TSPAN18: variants seen among roughly 807,000 people sequenced by gnomAD.
TSPAN18 encodes the protein tetraspanin 18.
In TSPAN18, 14 loss-of-function variants were observed where a neutral mutation model predicts 27.3. The observed-to-expected ratio is 0.51, with a 90% CI of 0.34 to 0.80. The LOEUF is 0.80. Ranked by LOEUF, TSPAN18 falls within the 30% of genes least tolerant of loss-of-function variation. TSPAN18 has a pLI of 0.01. For synonymous variants in TSPAN18, 143 were observed against 136.5 expected, an observed-to-expected ratio of 1.05 and a Z score of -0.33; for missense variants, 268 against 323.9, an observed-to-expected ratio of 0.83 and a Z score of 1.32.
chr11:44,854,528 A>G (rs866833389), intron 2 of TSPAN18, among the ~76,000 whole-genome samples: 4 of 152,204 alleles, frequency 2.6e-5, no homozygotes, highest in South Asian at 2.1e-4. Flanking sequence ...ACCCTCTTAG[A>G]CTGTGTTCGG....
At chr11:44,775,573 G>A (rs982666695) in intron 2 of TSPAN18, among the ~76,000 whole-genome samples, 3 of 152,118 alleles carry the variant, frequency 2.0e-5, no homozygotes, top group African/African-American at 7.2e-5. Context: ...TGACTGCAAA[G>A]GTTTGGTTTG....
chr11:44,894,882 C>G (rs12798656), intron 3 of TSPAN18, among the ~76,000 whole-genome samples: 15,076 of 152,236 alleles, frequency 0.099, 821 homozygotes, highest in South Asian at 0.14. Flanking sequence ...CCACACCCCA[C>G]GGATAGGTGT....
intron 1 of TSPAN18, chr11:44,736,486 T>C (rs951300041): frequency 2.6e-5 from 4 of 152,248 alleles, no homozygotes; most frequent in African/African-American, 9.6e-5. Flanking sequence ...TTGATGTTTT[T>C]CTTGGGTTCC....
chr11:44,876,989 C>CT (rs1468601210), intron 3 of TSPAN18, among the ~76,000 whole-genome samples: 1 of 152,238 alleles, frequency 6.6e-6, no homozygotes. Flanking sequence ...CCCCAGGCCC[C>CT]TGCAGAGCCT....
intron 3 of TSPAN18, among the ~76,000 whole-genome samples, chr11:44,877,987 G>T (rs964254447): frequency 6.6e-6 from 1 of 151,732 alleles, no homozygotes; most frequent in African/African-American, 2.4e-5. Context: ...GTGTGTGCAC[G>T]TGCACACACA....
At chr11:44,799,770 C>T (rs192867317) in intron 2 of TSPAN18, among the ~76,000 whole-genome samples, 1 of 152,292 alleles carries the variant, frequency 6.6e-6, no homozygotes, top group Non-Finnish European at 1.5e-5. Context: ...GGATTTGAAC[C>T]CAGGCAGACT....
Position 44,845,370 on chromosome 11 carries a change from A to G in TSPAN18, c.-152-14958A>G, listed in dbSNP as rs1857459443. Reference sequence around the variant, plus strand: ...CGATGAAAGGTGATACTGCGTGCAAAGTGCTTAGCACAGTATCTGGCACAT... The same window carrying G: ...CGATGAAAGGTGATACTGCGTGCAAGGTGCTTAGCACAGTATCTGGCACAT... On this transcript the variant is annotated intron_variant, in intron 2 of 9. Transcript: ENST00000520358. 2.0e-5 allele frequency among the ~76,000 whole-genome samples: 3 copies of G among 152,198 alleles called. No individual in the cohort carries two copies. The South Asian group carries it at 6.2e-4, about 31-fold the overall frequency.
intron 1 of TSPAN18, among the ~76,000 whole-genome samples, chr11:44,753,278 A>G (rs756360454): frequency 5.3e-5 from 8 of 151,838 alleles, no homozygotes; most frequent in Non-Finnish European, 1.0e-4. Flanking sequence ...ACAGGCATGC[A>G]CCACCACCAC....
rs147079582 is a variant in TSPAN18 at position 44,754,343 on chromosome 11, G to A, written c.-239-10083G>A. Among the ~76,000 whole-genome samples the A allele has an allele frequency of 3.9e-3, 593 of 152,258 alleles. 2 individuals carry two copies. Among genetic ancestry groups the A allele is most frequent in the African/African-American group, 0.013 (555 of 41,548 alleles). Reference sequence around the variant, plus strand: ...CCAGTTTAGAAACATCTCTATTACTGGCGTGTGGCTTTTTAATACTGCTTC... The same window carrying A: ...CCAGTTTAGAAACATCTCTATTACTAGCGTGTGGCTTTTTAATACTGCTTC... On this transcript the variant is annotated intron_variant, in intron 1 of 9. Coordinates refer to ENST00000520358, the MANE Select transcript of TSPAN18 (RefSeq NM_130783.5).
intron 2 of TSPAN18, among the ~76,000 whole-genome samples, chr11:44,788,722 C>T (rs1856121585): frequency 6.6e-6 from 1 of 152,160 alleles, no homozygotes; most frequent in Non-Finnish European, 1.5e-5. Context: ...GCTGGGATTA[C>T]AGACTTGAGC....
intron 5 of TSPAN18, among the ~76,000 whole-genome samples, chr11:44,910,220 C>T (rs1385068256): frequency 6.6e-6 from 1 of 152,228 alleles, no homozygotes. Context: ...CCTGTTTTCT[C>T]CCTGGGGTAG....
At chr11:44,920,036 A>T (rs1312054808) in intron 8 of TSPAN18, 37 bp downstream of exon 8, 2 of 1,590,258 alleles carry the variant, frequency 1.3e-6, no homozygotes, top group Non-Finnish European at 1.7e-6. Context: ...GAGTGGGTCT[A>T]TCGGGATTTG....
intron 8 of TSPAN18, among the ~76,000 whole-genome samples, chr11:44,922,883 C>T (rs543228120): frequency 3.3e-5 from 5 of 152,182 alleles, no homozygotes; most frequent in South Asian, 2.1e-4. Context: ...CCGAGGCGGG[C>T]GGATCACCTG....
chr11:44,778,556 G>A (rs12787702), intron 2 of TSPAN18, among the ~76,000 whole-genome samples: 61,697 of 152,048 alleles, frequency 0.41, 13,895 homozygotes, highest in Non-Finnish European at 0.5. Context: ...TTGCAATGGA[G>A]GAAATCTCTT....
intron 2 of TSPAN18, among the ~76,000 whole-genome samples, chr11:44,827,441 G>A (rs1161992283): frequency 2.0e-5 from 3 of 152,236 alleles, no homozygotes; most frequent in Non-Finnish European, 4.4e-5. Context: ...AGGCCCTAGA[G>A]GAGGGTAGGT....
chr11:44,911,943 C>T (rs1190508274), intron 5 of TSPAN18, among the ~76,000 whole-genome samples: 1 of 147,868 alleles, frequency 6.8e-6, no homozygotes, highest in South Asian at 2.3e-4. Flanking sequence ...TCCCCACCCC[C>T]GCCTCTCTCC....
At chr11:44,790,836 A>G (rs1856201592) in intron 2 of TSPAN18, among the ~76,000 whole-genome samples, 1 of 152,184 alleles carries the variant, frequency 6.6e-6, no homozygotes, top group Non-Finnish European at 1.5e-5. Flanking sequence ...GAACAGGTCC[A>G]TGTAGGGCCA....
intron 2 of TSPAN18, among the ~76,000 whole-genome samples, chr11:44,781,228 T>C (rs1268521301): frequency 1.3e-5 from 2 of 152,180 alleles, no homozygotes; most frequent in Non-Finnish European, 2.9e-5. Context: ...TGTCAGCATA[T>C]TGAGCATGGT....
At chr11:44,852,108 C>T (rs529730511) in intron 2 of TSPAN18, among the ~76,000 whole-genome samples, 1 of 152,320 alleles carries the variant, frequency 6.6e-6, no homozygotes, top group Admixed American at 6.5e-5. Context: ...TGTAATGTCT[C>T]TGCAGGGATT....
Sources: allele counts gnomAD v4.1 joint callset (sites outside exome capture counted in the v4.1 genomes callset), GRCh38; gene constraint gnomAD v4.1.1; transcripts MANE v1.5; gene names NCBI Gene and HGNC (gene_info 2026-07-23, HGNC 2026-07-21).